The following SPIRE1 variants were observed in gnomAD, a reference collection of about 807,000 sequenced individuals.
SPIRE1 encodes the protein protein spire homolog 1.
SPIRE1 carries 40 observed loss-of-function variants against 94.1 expected under a neutral mutation model. The observed-to-expected ratio is 0.43, with a 90% CI of 0.33 to 0.55. The LOEUF (loss-of-function observed/expected upper bound fraction) is 0.55. SPIRE1 is among the 20% of genes least tolerant of loss of function. The probability of loss-of-function intolerance (pLI) is 0.06; values close to 1 mark genes in which losing one functional copy is unlikely to be tolerated. For synonymous variants in SPIRE1, 376 were observed against 371.7 expected (o/e 1.01, Z -0.13); for missense variants, 838 against 975.2 (o/e 0.86, Z 1.87).
chr18:12,471,449 A>G (rs1000191772), intron 10 of SPIRE1, among the ~76,000 whole-genome samples: 19 of 148,668 alleles, frequency 1.3e-4, no homozygotes, highest in Non-Finnish European at 2.2e-4. Context: ...TCAGCCTCCC[A>G]AATAGCTGGG....
At chr18:12,643,710 C>T (rs1409112883) in intron 1 of SPIRE1, among the ~76,000 whole-genome samples, 6 of 152,134 alleles carry the variant, frequency 3.9e-5, no homozygotes, top group African/African-American at 1.4e-4. Flanking sequence ...ATAGACTACA[C>T]TTTGCCATTT....
At chr18:12,451,438 C>A (rs1568177266) in intron 16 of SPIRE1, among the ~76,000 whole-genome samples, 2 of 152,090 alleles carry the variant, frequency 1.3e-5, no homozygotes, top group Non-Finnish European at 2.9e-5. Flanking sequence ...TTAACTAAAC[C>A]AAACAGGATA....
intron 6 of SPIRE1, among the ~76,000 whole-genome samples, chr18:12,503,096 G>C (rs1215380839): frequency 6.8e-6 from 1 of 147,366 alleles, no homozygotes; most frequent in African/African-American, 2.6e-5. Flanking sequence ...GCAACAGAGT[G>C]AGACTCTGTC....
At chr18:12,492,765 C>T (rs1349480337) in intron 8 of SPIRE1, among the ~76,000 whole-genome samples, 1 of 152,148 alleles carries the variant, frequency 6.6e-6, no homozygotes, top group Non-Finnish European at 1.5e-5. Flanking sequence ...GGTAAAGAGA[C>T]TTTCCTAAAA....
At chr18:12,450,070 A>T (rs566322546) in intron 16 of SPIRE1, among the ~76,000 whole-genome samples, 174 bp from the exon 17 acceptor site, 33 of 152,258 alleles carry the variant, frequency 2.2e-4, no homozygotes, top group Admixed American at 1.2e-3. Flanking sequence ...GCTAAAAAAT[A>T]TTACTTAGAA....
At chr18:12,488,759 A>G (rs1158576984) in intron 8 of SPIRE1, among the ~76,000 whole-genome samples, 3 of 152,222 alleles carry the variant, frequency 2.0e-5, no homozygotes, top group Non-Finnish European at 4.4e-5. Context: ...TAACAATCAT[A>G]CTTACTGTTC....
chr18:12,540,730 G>A, intron 3 of SPIRE1, among the ~76,000 whole-genome samples: 1 of 152,278 alleles, frequency 6.6e-6, no homozygotes. Context: ...CAATTGTTAG[G>A]ATTTAAATTA....
intron 2 of SPIRE1, among the ~76,000 whole-genome samples, chr18:12,572,543 A>C (rs2035983176): frequency 6.6e-6 from 1 of 152,158 alleles, no homozygotes; most frequent in African/African-American, 2.4e-5. Flanking sequence ...GCCCAGAAAA[A>C]AACTGCAGTG....
intron 2 of SPIRE1, among the ~76,000 whole-genome samples, chr18:12,605,412 A>C (rs1250358699): frequency 6.6e-6 from 1 of 152,190 alleles, no homozygotes; most frequent in East Asian, 1.9e-4. Context: ...AGGCTGAGGC[A>C]GGGGAATCGC....
intron 1 of SPIRE1, among the ~76,000 whole-genome samples, chr18:12,655,034 A>G (rs562277900): frequency 1.3e-5 from 2 of 151,830 alleles, no homozygotes; most frequent in African/African-American, 2.4e-5. Flanking sequence ...CTCAAAAAAA[A>G]AAAGAAAGAA....
chr18:12,513,805 A>G (rs2034112781), intron 4 of SPIRE1, among the ~76,000 whole-genome samples: 1 of 151,984 alleles, frequency 6.6e-6, no homozygotes, highest in Admixed American at 6.6e-5. Context: ...TAACAGGCAT[A>G]AGCCACTGCT....
intron 2 of SPIRE1, among the ~76,000 whole-genome samples, chr18:12,558,883 T>C (rs772123924): frequency 1.8e-4 from 27 of 152,174 alleles, no homozygotes; most frequent in Non-Finnish European, 2.9e-4. Context: ...AACCCCGAGC[T>C]AGACACAGAG....
chr18:12,650,920 A>G (rs1164748023), intron 1 of SPIRE1, among the ~76,000 whole-genome samples: 3 of 151,870 alleles, frequency 2.0e-5, no homozygotes, highest in Non-Finnish European at 4.4e-5. Context: ...ATCCAATTAC[A>G]GCTAAAATCT....
intron 10 of SPIRE1, among the ~76,000 whole-genome samples, chr18:12,475,225 T>C (rs2032517195): frequency 6.6e-6 from 1 of 152,210 alleles, no homozygotes; most frequent in Non-Finnish European, 1.5e-5. Context: ...ACCTAAATCC[T>C]ACTACTCTTC....
intron 10 of SPIRE1, among the ~76,000 whole-genome samples, chr18:12,473,308 CA>C (rs71172088): frequency 0.051 from 7,322 of 144,374 alleles, 189 homozygotes; most frequent in South Asian, 0.097. Context: ...TCAGTTCTGG[CA>C]AAAAAAAAAA....
At chr18:12,563,206 TAA>T in intron 2 of SPIRE1, among the ~76,000 whole-genome samples, 1 of 146,724 alleles carries the variant, frequency 6.8e-6, no homozygotes, top group Non-Finnish European at 1.5e-5. Flanking sequence ...CTATACTCAT[TAA>T]AAAAAAAAAA....
intron 2 of SPIRE1, among the ~76,000 whole-genome samples, chr18:12,624,142 G>C (rs1020123704): frequency 6.0e-5 from 9 of 150,742 alleles, no homozygotes; most frequent in Middle Eastern, 3.4e-3. Context: ...AGCTGGTCTC[G>C]AACTCCTGAC....
chr18:12,491,537 C>T (rs757808757), intron 8 of SPIRE1, among the ~76,000 whole-genome samples: 99 of 152,030 alleles, frequency 6.5e-4, no homozygotes, highest in Middle Eastern at 3.4e-3. Context: ...TCTTGGTTCA[C>T]CCAGGCTAGA....
intron 11 of SPIRE1, among the ~76,000 whole-genome samples, chr18:12,464,663 C>A (rs922887570): frequency 1.3e-5 from 2 of 152,192 alleles, no homozygotes; most frequent in Non-Finnish European, 2.9e-5. Flanking sequence ...CGTAAACACA[C>A]ATGTGCCTGC....
Sources: gnomAD v4.1 joint callset for allele counts (sites outside exome capture counted in the v4.1 genomes callset) on GRCh38, gnomAD v4.1.1 for gene constraint, MANE v1.5 for transcripts, NCBI Gene and HGNC (gene_info 2026-07-23, HGNC 2026-07-21) for gene names.